AKAP6: variants seen among roughly 807,000 people sequenced by gnomAD.
The protein encoded by AKAP6 is A-kinase anchoring protein 6.
Under a neutral mutation model 188.5 loss-of-function variants are expected in AKAP6, and 58 were observed. That is an observed-to-expected ratio of 0.31 (90% CI 0.25 to 0.38). The LOEUF is 0.38. Among genes scored for constraint, AKAP6 ranks in the 10% least tolerant of loss-of-function variants. AKAP6 has a pLI of 1.00. For synonymous variants in AKAP6, 989 were observed against 998.6 expected, an observed-to-expected ratio of 0.99 and a Z score of 0.18; for missense variants, 2,710 against 2,740.0, an observed-to-expected ratio of 0.99 and a Z score of 0.24.
chr14:32,668,389 ACATCT>A (rs1256416166), intron 7 of AKAP6, among the ~76,000 whole-genome samples: 4 of 152,092 alleles, frequency 2.6e-5, no homozygotes, highest in African/African-American at 9.7e-5. Flanking sequence ...CTTTTAATAA[ACATCT>A]CATCTGTCAT....
rs1288530170 is a variant in AKAP6 at position 32,433,441 on chromosome 14, C to T, written c.-34-19C>T. 7.2e-6 allele frequency: 11 copies of T among 1,519,890 alleles called. 2 individuals carry two copies. The South Asian group carries it at 1.3e-4, about 18-fold the overall frequency. The allele number at this position is 1,519,890 out of a possible 1,614,324, so 94.2% of individuals were successfully genotyped here. A position where few individuals can be genotyped will look rare whatever the true frequency, so the allele number is the denominator to read the frequency against. On this transcript the variant is annotated intron_variant, in intron 1 of 13. Coordinates refer to ENST00000280979, the MANE Select transcript of AKAP6 (RefSeq NM_004274.5). Reference sequence around the variant, plus strand: ...AATCTTGACTGACTCTTGCTTTCTTCTTTCCTCTTGCCTTTCAGCTGTTTT... The same window carrying T: ...AATCTTGACTGACTCTTGCTTTCTTTTTTCCTCTTGCCTTTCAGCTGTTTT...
chr14:32,709,058 G>T (rs147513299), intron 9 of AKAP6, among the ~76,000 whole-genome samples: 6 of 152,146 alleles, frequency 3.9e-5, no homozygotes, highest in African/African-American at 1.4e-4. Context: ...TACCGCAAAA[G>T]AATTCAAATT....
At chr14:32,828,856 T>G (rs1175835828) in intron 13 of AKAP6, among the ~76,000 whole-genome samples, 1 of 152,222 alleles carries the variant, frequency 6.6e-6, no homozygotes, top group Non-Finnish European at 1.5e-5. Context: ...CTAATTTTTC[T>G]TCTTTCTCCA....
At chr14:32,538,938 C>T (rs1180191923) in intron 3 of AKAP6, among the ~76,000 whole-genome samples, 1 of 151,748 alleles carries the variant, frequency 6.6e-6, no homozygotes, top group East Asian at 1.9e-4. Context: ...AAAACAAAAC[C>T]AGTTTTTAAC....
chr14:32,566,767 T>C (rs886165024), intron 4 of AKAP6, among the ~76,000 whole-genome samples: 7 of 152,190 alleles, frequency 4.6e-5, no homozygotes, highest in Non-Finnish European at 1.0e-4. Flanking sequence ...TTAAAAACTC[T>C]AGTTCTGTAC....
intron 1 of AKAP6, among the ~76,000 whole-genome samples, chr14:32,410,874 G>C (rs901966894): frequency 1.3e-5 from 2 of 152,110 alleles, no homozygotes; most frequent in South Asian, 4.1e-4. Flanking sequence ...AATAATCTTA[G>C]TTGAAAACAG....
At chr14:32,605,428 T>A (rs1170445204) in intron 7 of AKAP6, among the ~76,000 whole-genome samples, 1 of 152,060 alleles carries the variant, frequency 6.6e-6, no homozygotes, top group African/African-American at 2.4e-5. Context: ...AGATGATGAG[T>A]AGGCCAGCCT....
chr14:32,400,969 A>G (rs1378487789), intron 1 of AKAP6, among the ~76,000 whole-genome samples: 1 of 152,206 alleles, frequency 6.6e-6, no homozygotes, highest in Non-Finnish European at 1.5e-5. Flanking sequence ...TAAATCTACC[A>G]GAAGAGATGA....
chr14:32,722,523 T>A lies in AKAP6; in HGVS notation c.3001-9931T>A, dbSNP rs538533822. On this transcript the variant is annotated intron_variant, in intron 9 of 13. Transcript: ENST00000280979. ...GTTTTCCTGCCCGAATGTTGCCTTT[T>A]CCAAAACCACCCTGGCCCACCACGC... 2.0e-5 allele frequency among the ~76,000 whole-genome samples: 3 copies of A among 152,112 alleles called. 1 individual carries two copies. The South Asian group carries it at 6.2e-4, about 32-fold the overall frequency.
chr14:32,496,858 A>G (rs1432786153), intron 2 of AKAP6, among the ~76,000 whole-genome samples: 7 of 152,184 alleles, frequency 4.6e-5, no homozygotes, highest in African/African-American at 1.7e-4. Flanking sequence ...AACCAAATAT[A>G]TTCTTATAAT....
At chr14:32,764,848 A>G (rs1285066929) in intron 11 of AKAP6, among the ~76,000 whole-genome samples, 1 of 152,184 alleles carries the variant, frequency 6.6e-6, no homozygotes, top group Non-Finnish European at 1.5e-5. Flanking sequence ...TAGTGAAAAT[A>G]ACCAAGAAAA....
chr14:32,786,296 A>ATGTTTTTTTTTGTTTTTTT, intron 12 of AKAP6, among the ~76,000 whole-genome samples: 1 of 93,704 alleles, frequency 1.1e-5, no homozygotes, highest in Non-Finnish European at 2.1e-5. Flanking sequence ...CTAAACCTTT[A>ATGTTTTTTTTTGTTTTTTT]TCTTTTTTTT....
intron 1 of AKAP6, among the ~76,000 whole-genome samples, chr14:32,390,140 C>T (rs1888662755): frequency 1.3e-5 from 2 of 152,020 alleles, no homozygotes; most frequent in African/African-American, 4.8e-5. Context: ...ATTTATGTTG[C>T]TGAGACTTTC....
chr14:32,784,772 G>T (rs991156378), intron 12 of AKAP6, among the ~76,000 whole-genome samples: 1 of 152,164 alleles, frequency 6.6e-6, no homozygotes, highest in African/African-American at 2.4e-5. Flanking sequence ...CCAGTAGGCG[G>T]AGAAAGGTGT....
chr14:32,468,740 G>A (rs1313689584), intron 2 of AKAP6, among the ~76,000 whole-genome samples: 4 of 151,612 alleles, frequency 2.6e-5, no homozygotes, highest in African/African-American at 7.3e-5. Flanking sequence ...TGTTGTTTTC[G>A]TCTCATCAAA....
intron 9 of AKAP6, among the ~76,000 whole-genome samples, chr14:32,718,773 T>G (rs1226577410): frequency 6.6e-6 from 1 of 152,220 alleles, no homozygotes; most frequent in East Asian, 1.9e-4. Context: ...TGTACTCATT[T>G]CTGTGTACTA....
At chr14:32,352,720 G>T (rs2138453609) in intron 1 of AKAP6, among the ~76,000 whole-genome samples, 1 of 152,312 alleles carries the variant, frequency 6.6e-6, no homozygotes, top group African/African-American at 2.4e-5. Context: ...TATCTATGTT[G>T]CTGCAAATGA....
intron 1 of AKAP6, among the ~76,000 whole-genome samples, chr14:32,340,350 T>G (rs1211004681): frequency 6.6e-6 from 1 of 152,224 alleles, no homozygotes; most frequent in East Asian, 1.9e-4. Context: ...AATACATTAC[T>G]GTGTTCAAAT....
Position 32,679,255 on chromosome 14 carries a change from T to G in AKAP6, c.2879+796T>G, listed in dbSNP as rs569041928. ...TCTTTTTTCCAGCCCAATTGTAATA[T>G]TTAATAGGTGATTTTAGAGAGTAAA... On this transcript the variant is annotated intron_variant, in intron 8 of 13. Transcript: ENST00000280979. 2.0e-5 allele frequency among the ~76,000 whole-genome samples: 3 copies of G among 152,272 alleles called. No homozygotes were observed. The South Asian group carries it at 6.2e-4, about 32-fold the overall frequency.
Sources: allele counts gnomAD v4.1 joint callset (sites outside exome capture counted in the v4.1 genomes callset), GRCh38; gene constraint gnomAD v4.1.1; transcripts MANE v1.5; gene names NCBI Gene and HGNC (gene_info 2026-07-23, HGNC 2026-07-21).